SLC47A2: variants seen among roughly 807,000 people sequenced by gnomAD.
SLC47A2 encodes solute carrier family 47 member 2.
SLC47A2 carries 52 observed loss-of-function variants against 67.7 expected under a neutral mutation model. That is an observed-to-expected ratio of 0.77 (90% CI 0.61 to 0.97). The LOEUF is 0.97. Ranked by LOEUF, SLC47A2 falls within the 50% of genes least tolerant of loss-of-function variation. The pLI is 0.00. For missense variants in SLC47A2, 676 were observed against 712.3 expected (o/e 0.95, Z 0.58); for synonymous variants, 278 against 292.9 (o/e 0.95, Z 0.52).
rs1567629305 is a variant in SLC47A2 at position 19,705,440 on chromosome 17, T to TA, written c.904dup (p.Tyr302LeufsTer63). 6.2e-7 allele frequency: 1 copy of TA among 1,611,690 alleles called. No individual in the cohort carries two copies. Among genetic ancestry groups the TA allele is most frequent in the Admixed American group, 1.7e-5 (1 of 59,722 alleles). ...GCACCCCTGCAGGAGCCTTACCATG[T>TA]AGGTCACAGTGGCCACCTCGTAGAT... On this transcript the variant is annotated frameshift_variant, in exon 10 of 17. Coordinates refer to ENST00000433844, the MANE Select transcript of SLC47A2 (RefSeq NM_001099646.3). LOFTEE classifies it high-confidence loss of function.
intron 16 of SLC47A2, among the ~76,000 whole-genome samples, 166 bp downstream of exon 16, chr17:19,679,786 G>A (rs2085273899): frequency 6.6e-6 from 1 of 152,072 alleles, no homozygotes; most frequent in Admixed American, 6.6e-5. Flanking sequence ...GACAATAGAT[G>A]TTGTTGTCTT....
rs751072522 is a variant in SLC47A2 at position 19,704,649 on chromosome 17, G to A, written c.910-471C>T. The A allele has an allele frequency of 1.3e-4, 199 of 1,548,378 alleles. No individual in the cohort carries two copies. The African/African-American group carries it at 1.7e-3, about 14-fold the overall frequency. ...GGGGTCAGGGATAACATGCAGATGC[G>A]TACCCGAGTGACATGGGCTGCATAA... On this transcript the variant is annotated intron_variant, in intron 10 of 16. Transcript: ENST00000433844.
intron 7 of SLC47A2, 82 bp downstream of exon 7, chr17:19,708,220 G>A: frequency 2.7e-6 from 4 of 1,502,202 alleles, no homozygotes; most frequent in Non-Finnish European, 3.7e-6. Context: ...GGGCCAGGAT[G>A]GTGACTGATC....
intron 3 of SLC47A2, 58 bp downstream of exon 3, chr17:19,714,663 C>G: frequency 6.2e-7 from 1 of 1,600,648 alleles, no homozygotes; most frequent in Non-Finnish European, 8.5e-7. Context: ...TCCATGGCAC[C>G]TGTGGAATTG....
intron 13 of SLC47A2, among the ~76,000 whole-genome samples, chr17:19,693,681 C>T (rs1292154137): frequency 6.6e-6 from 1 of 151,714 alleles, no homozygotes; most frequent in Non-Finnish European, 1.5e-5. Flanking sequence ...GCCTGTAGTC[C>T]CAGCTACTTG....
chr17:19,717,925 C>G (rs1389838144), upstream of SLC47A2: 1 of 152,218 alleles, frequency 6.6e-6, no homozygotes, highest in East Asian at 1.9e-4. Flanking sequence ...GTACCTTTAC[C>G]ACCTGCCTAG....
rs2085311425 is a variant in SLC47A2 at position 19,681,419 on chromosome 17, G to A, written c.1340C>T (p.Ala447Val). The stretch of plus-strand genomic sequence containing the variant: ...CCGGGCAGTATAAGCAACAAAGGCA[G>A]CAGTTGCCAGGAAGACACAGGCCAG... Reference protein sequence around the residue: ...GMLACVFLATAAFVAYTARLD... With the variant: ...GMLACVFLATVAFVAYTARLD... Residue 447 changes from alanine to valine, a missense_variant, in exon 15 of 17, where the codon GCT becomes GTT. Transcript: ENST00000433844. 6.2e-7 allele frequency: 1 copy of A among 1,613,576 alleles called. No individual in the cohort carries two copies. The highest frequency in any genetic ancestry group is 8.5e-7 in the Non-Finnish European group (1 of 1,179,772).
intron 12 of SLC47A2, 53 bp downstream of exon 12, chr17:19,703,039 T>C: frequency 6.4e-7 from 1 of 1,559,710 alleles, no homozygotes; most frequent in Non-Finnish European, 8.8e-7. Context: ...GAGGACACAC[T>C]GGGAACCACT....
chr17:19,702,986 G>T (rs2085826803), intron 12 of SLC47A2, 106 bp downstream of exon 12: 3 of 1,266,134 alleles, frequency 2.4e-6, no homozygotes, highest in Admixed American at 3.9e-5. Context: ...GGCTCTTCCT[G>T]CTTCCTTTGG....
chr17:19,702,491 G>T (rs1172735254), intron 13 of SLC47A2, 114 bp downstream of exon 13: 3 of 1,529,228 alleles, frequency 2.0e-6, no homozygotes, highest in Non-Finnish European at 2.6e-6. Flanking sequence ...TATACAGTTA[G>T]CCCTTCATGT....
chr17:19,691,671 A>C (rs2085543847), intron 13 of SLC47A2, among the ~76,000 whole-genome samples: 1 of 152,212 alleles, frequency 6.6e-6, no homozygotes, highest in Non-Finnish European at 1.5e-5. Context: ...AATGAATAAG[A>C]TCTAGCATTT....
At chr17:19,684,410 A>G (rs2085375786) in intron 13 of SLC47A2, among the ~76,000 whole-genome samples, 3 of 152,214 alleles carry the variant, frequency 2.0e-5, no homozygotes. Context: ...AATTTATTAG[A>G]TGCAACTAAG....
intron 10 of SLC47A2, chr17:19,704,720 G>T: frequency 3.2e-6 from 5 of 1,547,612 alleles, no homozygotes; most frequent in Non-Finnish European, 4.4e-6. Flanking sequence ...GGGAGGTGGG[G>T]GCTGTGGTGG....
chr17:19,707,428 C>T (rs189733130), intron 8 of SLC47A2, among the ~76,000 whole-genome samples: 1 of 152,312 alleles, frequency 6.6e-6, no homozygotes, highest in Non-Finnish European at 1.5e-5. Context: ...TCAGGCACCC[C>T]ACGCACTGCT....
chr17:19,681,364 T>TA lies in SLC47A2; in HGVS notation c.1392+2dup. 1 of 1,600,434 alleles carries TA rather than the reference T, an allele frequency of 6.2e-7. No individual in the cohort carries two copies. The highest frequency in any genetic ancestry group is 1.1e-5 in the South Asian group (1 of 88,964). On this transcript the variant is annotated splice_region_variant and intron_variant, in intron 15 of 16. Transcript: ENST00000433844. ...TGTGGCCAGGGTCAGCTGACCCACT[T>TA]ACCTCCTCTGCAGCAAGCTTCCAGT... is the stretch of plus-strand genomic sequence containing the variant.
At chr17:19,716,711 G>T (rs932530039), upstream of SLC47A2, 5 of 1,150,408 alleles carry the variant, frequency 4.3e-6, no homozygotes, top group African/African-American at 6.3e-5. Flanking sequence ...TGTGGGATGA[G>T]CCCTGCCTCC....
chr17:19,704,741 A>G lies in SLC47A2; in HGVS notation c.910-563T>C. The G allele has an allele frequency of 2.6e-6, 4 of 1,519,592 alleles. No homozygotes were observed. The South Asian group carries it at 4.9e-5, about 19-fold the overall frequency. The allele number at this position is 1,519,592 out of a possible 1,614,324, so 94.1% of individuals were successfully genotyped here. ...TGGGGGCTGTGGTGGAGGAGAGCCC[A>G]TGGCCCTGCTGGGGACGCTGTCACC... On this transcript the variant is annotated intron_variant, in intron 10 of 16. Coordinates refer to ENST00000433844, the MANE Select transcript of SLC47A2 (RefSeq NM_001099646.3).
intron 5 of SLC47A2, among the ~76,000 whole-genome samples, chr17:19,709,902 G>A (rs1235568364): frequency 6.6e-6 from 1 of 152,178 alleles, no homozygotes; most frequent in African/African-American, 2.4e-5. Flanking sequence ...TATGGATTAT[G>A]TGGAAGACTC....
At chr17:19,679,875 C>T (rs1597583762) in intron 16 of SLC47A2, 77 bp downstream of exon 16, 2 of 1,403,060 alleles carry the variant, frequency 1.4e-6, no homozygotes, top group Non-Finnish European at 2.0e-6. Flanking sequence ...TTGCATGAGG[C>T]ACAGAGGGCA....
Sources: gnomAD v4.1 joint callset for allele counts (sites outside exome capture counted in the v4.1 genomes callset) on GRCh38, gnomAD v4.1.1 for gene constraint, MANE v1.5 for transcripts, NCBI Gene and HGNC (gene_info 2026-07-23, HGNC 2026-07-21) for gene names.